GABRG3: variants seen among roughly 807,000 people sequenced by gnomAD.
GABRG3 encodes gamma-aminobutyric acid receptor subunit gamma-3.
GABRG3 carries 25 observed loss-of-function variants against 48.8 expected under a neutral mutation model. The observed-to-expected ratio is 0.51, with a 90% CI of 0.37 to 0.72. The LOEUF (loss-of-function observed/expected upper bound fraction) is 0.72. Among genes scored for constraint, GABRG3 ranks in the 30% least tolerant of loss-of-function variants. The probability of loss-of-function intolerance (pLI) is 0.00; values close to 1 mark genes in which losing one functional copy is unlikely to be tolerated. For missense variants in GABRG3, 394 were observed against 577.9 expected (o/e 0.68, Z 3.26); for synonymous variants, 227 against 217.6 (o/e 1.04, Z -0.38).
At chr15:27,298,308 C>T (rs1892072093) in intron 3 of GABRG3, among the ~76,000 whole-genome samples, 1 of 152,116 alleles carries the variant, frequency 6.6e-6, no homozygotes, top group Non-Finnish European at 1.5e-5. Flanking sequence ...AAGCAGGTCT[C>T]AATCAGTTTA....
intron 3 of GABRG3, among the ~76,000 whole-genome samples, chr15:27,193,919 A>G (rs1307494138): frequency 6.6e-6 from 1 of 152,190 alleles, no homozygotes; most frequent in Non-Finnish European, 1.5e-5. Flanking sequence ...AGTTATTAAT[A>G]TATTAGGAGA....
At chr15:27,002,627 C>T (rs1452524177) in intron 2 of GABRG3, among the ~76,000 whole-genome samples, 1 of 151,176 alleles carries the variant, frequency 6.6e-6, no homozygotes, top group Non-Finnish European at 1.5e-5. Flanking sequence ...AAAAGCCATG[C>T]AGCTGGACAT....
At chr15:27,456,432 T>G (rs4595752) in intron 5 of GABRG3, among the ~76,000 whole-genome samples, 85,608 of 151,986 alleles carry the variant, frequency 0.56, 24,437 homozygotes, top group East Asian at 0.85. Flanking sequence ...GCATCCTTAG[T>G]GGCGCTGTGC....
In GABRG3 at chr15:27,447,530, G is replaced by A. The variant is rs1888978346; in HGVS notation, c.575-33120G>A. On this transcript the variant is annotated intron_variant, in intron 5 of 9. Coordinates refer to ENST00000615808, the MANE Select transcript of GABRG3 (RefSeq NM_033223.5). This position sits in a 1 kb window ranked among gnomAD's most constrained non-coding sequence, Gnocchi z 4.0. ...ACTGCTATTGTCCAGAATAGAGTTA[G>A]GGAGGATCTGAACTAGGCCAGAGAT... is the stretch of plus-strand genomic sequence containing the variant. 6.6e-6 allele frequency among the ~76,000 whole-genome samples: 1 copy of A among 152,152 alleles called. No individual in the cohort carries two copies. The highest frequency in any genetic ancestry group is 2.4e-5 in the African/African-American group (1 of 41,424).
intron 3 of GABRG3, among the ~76,000 whole-genome samples, chr15:27,113,154 A>AT (rs1040268977): frequency 6.6e-6 from 1 of 150,700 alleles, no homozygotes; most frequent in African/African-American, 2.4e-5. Context: ...GGACTATCTT[A>AT]TTTTTTTTCC....
chr15:27,387,568 C>G (rs1167821172), intron 5 of GABRG3, among the ~76,000 whole-genome samples: 2 of 151,850 alleles, frequency 1.3e-5, no homozygotes, highest in African/African-American at 4.8e-5. Context: ...TGGTGTATCT[C>G]CAGGACTTGA....
intron 3 of GABRG3, among the ~76,000 whole-genome samples, chr15:27,058,738 G>A (rs972274441): frequency 2.0e-5 from 3 of 151,894 alleles, no homozygotes; most frequent in African/African-American, 4.8e-5. Context: ...GCTTAAGACC[G>A]ATTTAGTCTA....
chr15:27,051,102 T>G (rs1287729113), intron 3 of GABRG3, among the ~76,000 whole-genome samples: 2 of 152,364 alleles, frequency 1.3e-5, no homozygotes, highest in East Asian at 3.9e-4. Context: ...ATTTATTAGA[T>G]GACCATAGTG....
chr15:27,421,547 C>T (rs976306686), intron 5 of GABRG3, among the ~76,000 whole-genome samples: 3 of 150,722 alleles, frequency 2.0e-5, no homozygotes, highest in South Asian at 2.1e-4. Flanking sequence ...GAGTGGGCTG[C>T]GTATCCATCA....
chr15:27,003,505 C>A (rs527387811), intron 2 of GABRG3, among the ~76,000 whole-genome samples: 2 of 152,168 alleles, frequency 1.3e-5, no homozygotes, highest in South Asian at 4.2e-4. Context: ...CCTGAGTGGA[C>A]ACAGCACATG....
At chr15:27,152,965 G>A (rs1041878703) in intron 3 of GABRG3, among the ~76,000 whole-genome samples, 5 of 150,996 alleles carry the variant, frequency 3.3e-5, no homozygotes, top group Admixed American at 6.6e-5. Context: ...GGTTCACGCC[G>A]TTCTCCTGCC....
intron 3 of GABRG3, among the ~76,000 whole-genome samples, chr15:27,175,631 T>C (rs1483081278): frequency 4.6e-5 from 7 of 152,196 alleles, no homozygotes; most frequent in Non-Finnish European, 1.0e-4. Flanking sequence ...GGGACATTAC[T>C]GGCATTCCCA....
At chr15:27,281,948 C>T (rs1022279336) in intron 3 of GABRG3, among the ~76,000 whole-genome samples, 1 of 152,072 alleles carries the variant, frequency 6.6e-6, no homozygotes, top group African/African-American at 2.4e-5. Flanking sequence ...CCTTCATTTG[C>T]AAATGTTTTG....
chr15:27,463,988 C>T (rs546504780), intron 5 of GABRG3, among the ~76,000 whole-genome samples: 16 of 152,210 alleles, frequency 1.1e-4, no homozygotes, highest in Admixed American at 8.5e-4. Flanking sequence ...AGTGAGAAAA[C>T]GAGCTGGTGT....
intron 3 of GABRG3, among the ~76,000 whole-genome samples, chr15:27,145,050 A>C (rs1029292102): frequency 5.3e-5 from 8 of 152,206 alleles, no homozygotes; most frequent in African/African-American, 1.9e-4. Flanking sequence ...ATTTGATATC[A>C]CAAGATTTGC....
At chr15:27,398,117 T>A (rs1887370576) in intron 5 of GABRG3, among the ~76,000 whole-genome samples, 1 of 152,142 alleles carries the variant, frequency 6.6e-6, no homozygotes, top group Non-Finnish European at 1.5e-5. Context: ...CTCTGAAATT[T>A]TAGTATATAA....
intron 5 of GABRG3, among the ~76,000 whole-genome samples, chr15:27,385,287 A>C (rs1198154858): frequency 7.9e-5 from 3 of 37,790 alleles, no homozygotes; most frequent in African/African-American, 3.7e-4. Context: ...TGTTTCTATC[A>C]TCATAGACTA....
chr15:27,093,509 A>G (rs1037529309), intron 3 of GABRG3, among the ~76,000 whole-genome samples: 2 of 152,186 alleles, frequency 1.3e-5, no homozygotes, highest in African/African-American at 4.8e-5. Context: ...TGCTGTTCAT[A>G]TACACAAGGC....
chr15:27,295,391 A>C (rs1891948128), intron 3 of GABRG3, among the ~76,000 whole-genome samples: 1 of 152,090 alleles, frequency 6.6e-6, no homozygotes, highest in African/African-American at 2.4e-5. Flanking sequence ...TCCTGTAACC[A>C]TTTCAAAAGC....
Sources: allele counts gnomAD v4.1 joint callset (sites outside exome capture counted in the v4.1 genomes callset), GRCh38; gene constraint gnomAD v4.1.1; non-coding constraint Gnocchi (gnomAD v3.1); transcripts MANE v1.5; gene names NCBI Gene and HGNC (gene_info 2026-07-23, HGNC 2026-07-21).